The following CFHR5 variants were observed in gnomAD, a reference collection of about 807,000 sequenced individuals.
The protein encoded by CFHR5 is complement factor H-related protein 5.
A neutral mutation model predicts 62.9 loss-of-function variants in CFHR5; 73 were observed. The observed-to-expected ratio is 1.16, with a 90% CI of 0.96 to 1.41. The LOEUF is 1.41. CFHR5 is among the 40% of genes most tolerant of loss of function. The probability of loss-of-function intolerance (pLI) is 0.00; values close to 1 mark genes in which losing one functional copy is unlikely to be tolerated. For synonymous variants in CFHR5, 249 were observed against 227.2 expected, an observed-to-expected ratio of 1.10 and a Z score of -0.86; for missense variants, 779 against 679.9, an observed-to-expected ratio of 1.15 and a Z score of -1.62.
chr1:196,985,483 T>C (rs769291267), intron 3 of CFHR5, among the ~76,000 whole-genome samples: 19 of 151,750 alleles, frequency 1.3e-4, no homozygotes, highest in Non-Finnish European at 1.8e-4. Flanking sequence ...TAAAACATTA[T>C]TAACATTTGC....
At position 197,008,614 on chromosome 1, in the gene CFHR5, G is replaced by C. The variant is rs74323799; in HGVS notation, c.1641G>C (p.Ala547=). ...TCCAGTGTAAATTCCCACATAAAGC[G>C]ATGATATCATCACCACCATTTCGAG... ...VEFQCKFPHK[A]MISSPPFRAI... The change falls in exon 10 of 10, where the codon GCG becomes GCC. Residue 547 remains alanine, a synonymous_variant. Transcript: ENST00000256785. 5.6e-6 allele frequency: 9 copies of C among 1,613,830 alleles called. No homozygotes were observed. Among genetic ancestry groups the C allele is most frequent in the Middle Eastern group, 1.7e-4 (1 of 6,060 alleles).
Position 196,996,121 on chromosome 1 carries a change from G to C in CFHR5, c.890G>C (p.Cys297Ser). The change falls in exon 6 of 10, where the codon TGC becomes TCC. Residue 297 changes from cysteine to serine, a missense_variant. Physicochemically the swap from Cys to Ser is moderately radical, Grantham distance 112. Coordinates refer to ENST00000256785, the MANE Select transcript of CFHR5 (RefSeq NM_030787.4). ...CATGGAGTTTCAGTCGAGGTGAATT[G>C]CAGAAATGAATATGCAATGATTGGA... The part of the protein sequence containing the change: ...YQHGVSVEVN[C>S]RNEYAMIGNN... 1 of 1,613,438 alleles carries C rather than the reference G, an allele frequency of 6.2e-7. No individual in the cohort carries two copies. Among genetic ancestry groups the C allele is most frequent in the Non-Finnish European group, 8.5e-7 (1 of 1,179,488 alleles).
rs938843083 is a variant in CFHR5 at position 197,009,496 on chromosome 1, T to A, written c.*813T>A. 3.3e-5 allele frequency: 5 copies of A among 152,288 alleles called. No individual in the cohort carries two copies. Among genetic ancestry groups the A allele is most frequent in the African/African-American group, 1.2e-4 (5 of 41,570 alleles). The allele number at this position is 152,288 out of a possible 1,614,324, so 9.4% of individuals were successfully genotyped here. A position where few individuals can be genotyped will look rare whatever the true frequency, so the allele number is the denominator to read the frequency against. ...TGAATTAACGTTATTTAAAAGGAAA[T>A]GTAGATGTTATTTTAGTCTCTATCT... On this transcript the variant is annotated 3_prime_UTR_variant, in exon 10 of 10. Transcript: ENST00000256785.
Position 196,987,405 on chromosome 1 carries a change from C to T in CFHR5, c.430+3268C>T, listed in dbSNP as rs567907528. On this transcript the variant is annotated intron_variant, in intron 3 of 9. Transcript: ENST00000256785. ...TCTATTTTGGCTTTTGTTGCCATTGCTTTTTGTGTTTTAGTCATGAAGTAC... is the reference window on the plus strand; with the variant it reads ...TCTATTTTGGCTTTTGTTGCCATTGTTTTTTGTGTTTTAGTCATGAAGTAC... Among the ~76,000 whole-genome samples the T allele has an allele frequency of 4.6e-5, 7 of 152,234 alleles. No individual in the cohort carries two copies. The East Asian group carries it at 5.8e-4, about 13-fold the overall frequency.
chr1:196,975,653 A>G (rs556164831), upstream of CFHR5, among the ~76,000 whole-genome samples: 2 of 152,218 alleles, frequency 1.3e-5, no homozygotes, highest in Non-Finnish European at 2.9e-5. Context: ...AGCAAAGCAC[A>G]AAGTGAGGAT....
chr1:196,989,649 G>A (rs1306400182), intron 3 of CFHR5, among the ~76,000 whole-genome samples: 1 of 152,154 alleles, frequency 6.6e-6, no homozygotes, highest in African/African-American at 2.4e-5. Flanking sequence ...TTCAGGAGCA[G>A]GGTGTTCAGT....
intron 3 of CFHR5, among the ~76,000 whole-genome samples, chr1:196,987,575 A>G (rs1285439049): frequency 6.6e-6 from 1 of 152,166 alleles, no homozygotes; most frequent in African/African-American, 2.4e-5. Context: ...TCAGCTTTCT[A>G]CATATGGCCA....
intron 9 of CFHR5, among the ~76,000 whole-genome samples, chr1:197,006,985 T>C (rs1654305423): frequency 6.6e-6 from 1 of 151,718 alleles, no homozygotes; most frequent in African/African-American, 2.4e-5. Context: ...TACAGGCACA[T>C]GCCACCATGC....
chr1:197,001,497 G>A (rs879374113), intron 7 of CFHR5, among the ~76,000 whole-genome samples: 4 of 151,040 alleles, frequency 2.6e-5, no homozygotes, highest in South Asian at 2.1e-4. Flanking sequence ...ATAGTATAGC[G>A]AGGAAAAAAA....
chr1:197,008,441 G>T (rs1178618721), intron 9 of CFHR5, 46 bp from the exon 10 acceptor site: 6 of 1,181,038 alleles, frequency 5.1e-6, no homozygotes, highest in Admixed American at 2.5e-5. Context: ...GAAAGGTAAA[G>T]ATGTATTATT....
rs188056022 is a variant in CFHR5 at position 196,989,384 on chromosome 1, A to G, written c.431-4696A>G. On this transcript the variant is annotated intron_variant, in intron 3 of 9. Coordinates refer to ENST00000256785, the MANE Select transcript of CFHR5 (RefSeq NM_030787.4). ...CTCTATCTCCTTCAGTTCTGTTCTG[A>G]TCTTAGTTATTTCTTGCCTTCTGCT... is the stretch of plus-strand genomic sequence containing the variant. Among the ~76,000 whole-genome samples, 510 of 151,742 alleles carry G rather than the reference A, an allele frequency of 3.4e-3. 9 individuals carry two copies. In the Middle Eastern group the frequency reaches 0.034, roughly 10 times the overall value.
intron 3 of CFHR5, among the ~76,000 whole-genome samples, chr1:196,991,024 T>C (rs550068267): frequency 6.6e-6 from 1 of 152,128 alleles, no homozygotes; most frequent in Non-Finnish European, 1.5e-5. Context: ...GATTTGGTTT[T>C]TCACATAGTC....
At chr1:196,982,351 C>A (rs956464502) in intron 1 of CFHR5, among the ~76,000 whole-genome samples, 3 of 152,034 alleles carry the variant, frequency 2.0e-5, no homozygotes, top group Admixed American at 6.6e-5. Context: ...CATATCATTC[C>A]AAAATATAAA....
Position 196,996,009 on chromosome 1 carries a change from T to C in CFHR5, c.791-13T>C. ...TTTTCAGAGTAAGCACTCATTTTAT[T>C]ACATTTTCTTAGAACAAGTGAAAAC... is the stretch of plus-strand genomic sequence containing the variant. On this transcript the variant is annotated splice_polypyrimidine_tract_variant and intron_variant, in intron 5 of 9. Coordinates refer to ENST00000256785, the MANE Select transcript of CFHR5 (RefSeq NM_030787.4). 1 of 1,613,070 alleles carries C rather than the reference T, an allele frequency of 6.2e-7. No individual in the cohort carries two copies. The highest frequency in any genetic ancestry group is 8.5e-7 in the Non-Finnish European group (1 of 1,179,122).
At chr1:196,987,244 G>A (rs1653714624) in intron 3 of CFHR5, among the ~76,000 whole-genome samples, 1 of 152,142 alleles carries the variant, frequency 6.6e-6, no homozygotes, top group South Asian at 2.1e-4. Flanking sequence ...TAAGTTCTTT[G>A]TAGATTCTGG....
chr1:196,998,163 G>A lies in CFHR5; in HGVS notation c.1006G>A (p.Val336Ile), dbSNP rs756973491. 1.6e-5 allele frequency: 25 copies of A among 1,578,896 alleles called. No individual in the cohort carries two copies. The South Asian group carries it at 2.3e-4, about 15-fold the overall frequency. The stretch of plus-strand genomic sequence containing the variant: ...ACTTAAGAGGTGCAAAATAGCAGGA[G>A]TTAATATAAAAACATTACTCAAGCT... ...HQLKRCKIAGVNIKTLLKLSG... is the reference protein window; with the variant it reads ...HQLKRCKIAGINIKTLLKLSG... Residue 336 changes from valine (V) to isoleucine (I), a missense_variant, in exon 7 of 10, where the codon GTT becomes ATT. Transcript: ENST00000256785.
In CFHR5 at chr1:197,008,709, T is replaced by G. The variant is rs1654359670; in HGVS notation, c.*26T>G. On this transcript the variant is annotated 3_prime_UTR_variant, in exon 10 of 10. Coordinates refer to ENST00000256785, the MANE Select transcript of CFHR5 (RefSeq NM_030787.4). The stretch of plus-strand genomic sequence containing the variant: ...AGCAAGCATAATTTTCCTGAATATA[T>G]TCTTCAAACATCCATCTATGCTAAA... 1 of 1,565,864 alleles carries G rather than the reference T, an allele frequency of 6.4e-7. No homozygotes were observed. Among genetic ancestry groups the G allele is most frequent in the Non-Finnish European group, 8.8e-7 (1 of 1,136,486 alleles).
chr1:196,993,812 T>G (rs1653914251), intron 3 of CFHR5, among the ~76,000 whole-genome samples: 1 of 152,166 alleles, frequency 6.6e-6, no homozygotes, highest in Non-Finnish European at 1.5e-5. Flanking sequence ...TAATTTACTG[T>G]ATGAGTAACT....
At chr1:197,007,130 C>A (rs995338754) in intron 9 of CFHR5, among the ~76,000 whole-genome samples, 1 of 151,894 alleles carries the variant, frequency 6.6e-6, no homozygotes, top group South Asian at 2.1e-4. Context: ...CCACCACGCC[C>A]GGCCCAATGT....
Sources: allele counts gnomAD v4.1 joint callset (sites outside exome capture counted in the v4.1 genomes callset), GRCh38; gene constraint gnomAD v4.1.1; transcripts MANE v1.5; gene names NCBI Gene and HGNC (gene_info 2026-07-23, HGNC 2026-07-21).